The following USP35 variants were observed in gnomAD, a reference collection of about 807,000 sequenced individuals.
The protein encoded by USP35 is ubiquitin carboxyl-terminal hydrolase 35.
Under a neutral mutation model 83.8 loss-of-function variants are expected in USP35, and 69 were observed. The observed-to-expected ratio is 0.82, with a 90% CI of 0.68 to 1.01. The LOEUF (loss-of-function observed/expected upper bound fraction) is 1.01. Among genes scored for constraint, USP35 ranks in the 50% least tolerant of loss-of-function variants. The pLI is 0.00. For missense variants in USP35, 1,503 were observed against 1,362.5 expected (o/e 1.10, Z -1.62); for synonymous variants, 714 against 589.5 (o/e 1.21, Z -3.06).
chr11:78,212,018 G>A (rs1247701560), intron 10 of USP35, among the ~76,000 whole-genome samples: 2 of 152,132 alleles, frequency 1.3e-5, no homozygotes, highest in Non-Finnish European at 2.9e-5. Flanking sequence ...CTTTGCCTAT[G>A]CCTATGTCCT....
At chr11:78,220,913 G>A in the USP35 span, among the ~76,000 whole-genome samples, 4 of 152,124 alleles carry the variant, frequency 2.6e-5, no homozygotes, top group African/African-American at 9.7e-5. Flanking sequence ...CACCAAATCA[G>A]CCCCTGTGAA....
intron 1 of USP35, among the ~76,000 whole-genome samples, chr11:78,191,993 G>A (rs1013538077): frequency 2.0e-5 from 3 of 151,960 alleles, no homozygotes; most frequent in South Asian, 4.2e-4. Context: ...ACAGGTGCCC[G>A]CCACCACGCC....
chr11:78,226,960 C>T, the USP35 span: 2 of 1,613,524 alleles, frequency 1.2e-6, no homozygotes, highest in African/African-American at 2.7e-5. Context: ...ATCCCGTTGA[C>T]ACAGTGTCCA....
chr11:78,208,520 A>G (rs1048986110), intron 8 of USP35, among the ~76,000 whole-genome samples: 3 of 152,192 alleles, frequency 2.0e-5, no homozygotes, highest in Non-Finnish European at 2.9e-5. Context: ...GGAAGATGAC[A>G]TGGAAGAGGC....
the USP35 span, chr11:78,224,993 G>A: frequency 8.9e-6 from 6 of 673,710 alleles, no homozygotes; most frequent in South Asian, 7.1e-5. Context: ...AACTTGGGCA[G>A]GGTCCTAAGA....
At chr11:78,199,539 C>T in intron 3 of USP35, 56 bp from the exon 4 acceptor site, 4 of 1,611,440 alleles carry the variant, frequency 2.5e-6, no homozygotes, top group Non-Finnish European at 3.4e-6. Context: ...GGGCTGCCCT[C>T]ACCCCAGCAT....
chr11:78,196,425 G>C lies in USP35; in HGVS notation c.180G>C (p.Val60=). The C allele has an allele frequency of 7.7e-7, 1 of 1,291,444 alleles. No individual in the cohort carries two copies. The highest frequency in any genetic ancestry group is 2.0e-5 in the South Asian group (1 of 49,086). The allele number at this position is 1,291,444 out of a possible 1,614,324, so 80.0% of individuals were successfully genotyped here. A position where few individuals can be genotyped will look rare whatever the true frequency, so the allele number is the denominator to read the frequency against. The change falls in exon 2 of 11, where the codon GTG becomes GTC. Residue 60 remains valine, a synonymous_variant. Transcript: ENST00000529308. The surrounding 1 kb of genome is among the most constrained non-coding windows in gnomAD (Gnocchi z 4.8). The part of the protein sequence containing the change: ...VGGAEELPRR[V]GCQLLHVAGR... ...GCGCGGAGGAGCTGCCGCGCCGCGTGGGCTGCCAGCTGCTGCACGTGGCCG... is the reference window on the plus strand; with the variant it reads ...GCGCGGAGGAGCTGCCGCGCCGCGTCGGCTGCCAGCTGCTGCACGTGGCCG...
chr11:78,211,473 A>G (rs953408361), intron 10 of USP35, among the ~76,000 whole-genome samples: 1 of 152,152 alleles, frequency 6.6e-6, no homozygotes, highest in Non-Finnish European at 1.5e-5. Flanking sequence ...ATAGCCAGTA[A>G]TGGGATTGCT....
Position 78,196,104 on chromosome 11 carries a change from T to C in USP35, c.-10-132T>C. On this transcript the variant is annotated intron_variant, in intron 1 of 10. Transcript: ENST00000529308. The surrounding 1 kb of genome is among the most constrained non-coding windows in gnomAD (Gnocchi z 4.8). ...TCAGTGAAATGACGCCCTTGCCCCATTTCACAGATGAGAAAACTGAGGCCC... is the reference window on the plus strand; with the variant it reads ...TCAGTGAAATGACGCCCTTGCCCCACTTCACAGATGAGAAAACTGAGGCCC... 6 of 1,384,300 alleles carry C rather than the reference T, an allele frequency of 4.3e-6. No homozygotes were observed. Among genetic ancestry groups the C allele is most frequent in the Non-Finnish European group, 5.6e-6 (6 of 1,067,402 alleles). 85.8% of individuals were successfully genotyped at this position (1,384,300 alleles called of 1,614,324 possible). A position where few individuals can be genotyped will look rare whatever the true frequency, so the allele number is the denominator to read the frequency against.
At chr11:78,213,341 G>A (rs114449128) in intron 10 of USP35, among the ~76,000 whole-genome samples, 4 of 152,144 alleles carry the variant, frequency 2.6e-5, no homozygotes, top group South Asian at 2.1e-4. Flanking sequence ...ACAGGTTCCC[G>A]TGTGGTGTGA....
chr11:78,216,118 G>GGATGGGAC (rs1864132070), downstream of USP35: 1 of 152,660 alleles, frequency 6.6e-6, no homozygotes, highest in Non-Finnish European at 1.5e-5. Context: ...CACCAGCTGT[G>GGATGGGAC]GATGGGACCT....
chr11:78,221,509 G>A, the USP35 span, among the ~76,000 whole-genome samples: 2 of 152,214 alleles, frequency 1.3e-5, no homozygotes, highest in East Asian at 3.9e-4. Context: ...AACTCCTACT[G>A]CTTGATAAAC....
At chr11:78,225,119 C>T in the USP35 span, 6 of 1,610,518 alleles carry the variant, frequency 3.7e-6, no homozygotes, top group South Asian at 3.3e-5. Context: ...AGGAAAGAGC[C>T]AACTCCATCA....
chr11:78,203,885 T>TTC (rs1863441757), intron 6 of USP35, among the ~76,000 whole-genome samples: 1 of 135,986 alleles, frequency 7.4e-6, no homozygotes, highest in Non-Finnish European at 1.6e-5. Context: ...GCCCATATTT[T>TTC]TCTTTTCTTT....
the USP35 span, chr11:78,220,463 A>C: frequency 6.4e-7 from 1 of 1,551,526 alleles, no homozygotes. Context: ...AGGAGGAAAA[A>C]ACTGTGAGTG....
rs1239391621 is a variant in USP35, at chr11:78,209,626, G to T, written c.1771G>T (p.Glu591Ter). ...CTGCCTCAACGTCTCCTCCCGGGAG[G>T]AGGCCTTCACGGACCTCTCTCTCGC... ...LCCLNVSSRE[E>*]AFTDLSLAFP... Residue 591 changes from glutamate (E) to a stop codon, truncating the protein, a stop_gained, in exon 10 of 11, where the codon GAG becomes TAG. Coordinates refer to ENST00000529308, the MANE Select transcript of USP35 (RefSeq NM_020798.4). LOFTEE classifies it high-confidence loss of function. 1 of 1,614,120 alleles carries T rather than the reference G, an allele frequency of 6.2e-7. No individual in the cohort carries two copies. Among genetic ancestry groups the T allele is most frequent in the Admixed American group, 1.7e-5 (1 of 60,026 alleles).
chr11:78,223,764 A>C, the USP35 span: 1 of 1,108,744 alleles, frequency 9.0e-7, no homozygotes, highest in Non-Finnish European at 1.3e-6. Flanking sequence ...AGGCAAGACA[A>C]GTCATGACTG....
chr11:78,189,083 G>T lies in USP35; in HGVS notation c.-85G>T, dbSNP rs1433331146. 7 of 522,904 alleles carry T rather than the reference G, an allele frequency of 1.3e-5. No homozygotes were observed. Among genetic ancestry groups the T allele is most frequent in the Non-Finnish European group, 1.7e-5 (7 of 407,314 alleles). 32.4% of individuals were successfully genotyped at this position (522,904 alleles called of 1,614,324 possible). On this transcript the variant is annotated 5_prime_UTR_variant, in exon 1 of 11. Transcript: ENST00000529308. ...GGAGCAGAGGACCAGCCCTGACCTA[G>T]CCGGGCCCAGCCTCGTCCTGCCCGG...
downstream of USP35, chr11:78,215,455 A>AAAAAG (rs1864073921): frequency 6.6e-6 from 1 of 152,576 alleles, no homozygotes; most frequent in Non-Finnish European, 1.5e-5. Flanking sequence ...ACAATTTAAA[A>AAAAAG]AAAAGAATAC....
Sources: gnomAD v4.1 joint callset for allele counts (sites outside exome capture counted in the v4.1 genomes callset) on GRCh38, gnomAD v4.1.1 for gene constraint, Gnocchi (gnomAD v3.1) non-coding constraint, MANE v1.5 for transcripts, NCBI Gene and HGNC (gene_info 2026-07-23, HGNC 2026-07-21) for gene names.